CSMD1: variants seen among roughly 807,000 people sequenced by gnomAD.
The protein encoded by CSMD1 is CUB and Sushi multiple domains 1.
Under a neutral mutation model 417.5 loss-of-function variants are expected in CSMD1, and 213 were observed. That is an observed-to-expected ratio of 0.51 (90% CI 0.46 to 0.57). The LOEUF (loss-of-function observed/expected upper bound fraction) is 0.57. Ranked by LOEUF, CSMD1 falls within the 20% of genes least tolerant of loss-of-function variation. The pLI, the probability that CSMD1 is intolerant of heterozygous loss-of-function variation, is 0.00. For synonymous variants in CSMD1, 2,862 were observed against 1,736.8 expected (o/e 1.65, Z -16.11); for missense variants, 6,923 against 4,529.7 (o/e 1.53, Z -15.17).
intron 12 of CSMD1, among the ~76,000 whole-genome samples, chr8:3,415,086 T>G (rs1305855724): frequency 6.6e-6 from 1 of 152,236 alleles, no homozygotes; most frequent in African/African-American, 2.4e-5. Flanking sequence ...ACTTGCAATT[T>G]AATGATTTTT....
At chr8:3,456,895 C>T (rs939159210) in intron 12 of CSMD1, among the ~76,000 whole-genome samples, 1 of 152,016 alleles carries the variant, frequency 6.6e-6, no homozygotes, top group Non-Finnish European at 1.5e-5. Context: ...CACTATCCTG[C>T]CCCCCTTGTA....
rs146677998 is a variant in CSMD1, at chr8:4,669,722, C to A, written c.86-32164G>T. Among the ~76,000 whole-genome samples the A allele has an allele frequency of 8.1e-4, 123 of 152,126 alleles. 2 individuals are homozygous for A. In the Middle Eastern group the frequency reaches 0.017, roughly 21 times the overall value. On this transcript the variant is annotated intron_variant, in intron 1 of 69. Transcript: ENST00000635120. ...TTTCTGCTGTTTCTTTTCTTAAACC[C>A]TCTTTACATAGTTTTATTCACCTTC...
At chr8:3,965,347 G>C (rs1019934530) in intron 5 of CSMD1, among the ~76,000 whole-genome samples, 12 of 152,106 alleles carry the variant, frequency 7.9e-5, no homozygotes, top group African/African-American at 2.7e-4. Context: ...GCTTAAATAA[G>C]ACAATGTTTT....
intron 50 of CSMD1, among the ~76,000 whole-genome samples, chr8:3,039,342 T>C (rs573836625): frequency 3.1e-4 from 42 of 136,926 alleles, no homozygotes; most frequent in African/African-American, 1.2e-3. Flanking sequence ...TTTCTTCCTT[T>C]CCGCCTTCCT....
intron 1 of CSMD1, among the ~76,000 whole-genome samples, chr8:4,839,790 T>G (rs1437083842): frequency 2.0e-5 from 3 of 152,216 alleles, no homozygotes; most frequent in Non-Finnish European, 2.9e-5. Flanking sequence ...ACAACAGATT[T>G]AGACCTTTTG....
chr8:4,827,727 G>A (rs898419113), intron 1 of CSMD1, among the ~76,000 whole-genome samples: 2 of 152,098 alleles, frequency 1.3e-5, no homozygotes, highest in African/African-American at 4.8e-5. Flanking sequence ...TAAAAAGAAT[G>A]TGTTTTACTC....
At chr8:4,618,999 A>G (rs926381275) in intron 2 of CSMD1, among the ~76,000 whole-genome samples, 35 of 152,312 alleles carry the variant, frequency 2.3e-4, no homozygotes, top group African/African-American at 8.2e-4. Context: ...AAGGAGATTA[A>G]AATACTGCAA....
chr8:3,829,799 A>G (rs1802268704), intron 5 of CSMD1, among the ~76,000 whole-genome samples: 1 of 152,174 alleles, frequency 6.6e-6, no homozygotes, highest in Non-Finnish European at 1.5e-5. Context: ...GAGGTTTTCC[A>G]ACACTTCTTT....
At chr8:4,824,755 C>T (rs7830637) in intron 1 of CSMD1, among the ~76,000 whole-genome samples, 2 of 152,092 alleles carry the variant, frequency 1.3e-5, no homozygotes, top group Admixed American at 6.6e-5. Flanking sequence ...ACTTGTCACT[C>T]AAAGACAAAA....
chr8:2,958,245 C>T (rs867567973), intron 62 of CSMD1, among the ~76,000 whole-genome samples: 62 of 152,288 alleles, frequency 4.1e-4, no homozygotes, highest in Middle Eastern at 6.8e-3. Flanking sequence ...ACCTGTCTTT[C>T]TGATGCTTCA....
At chr8:3,793,868 G>A (rs921763919) in intron 5 of CSMD1, among the ~76,000 whole-genome samples, 3 of 152,068 alleles carry the variant, frequency 2.0e-5, no homozygotes, top group African/African-American at 4.8e-5. Context: ...ACTGAGTGTC[G>A]CTGATGGACC....
intron 3 of CSMD1, among the ~76,000 whole-genome samples, chr8:4,341,348 C>G (rs759815719): frequency 6.6e-6 from 1 of 152,064 alleles, no homozygotes; most frequent in African/African-American, 2.4e-5. Flanking sequence ...ACATTGAATT[C>G]TGAGATTCAT....
chr8:4,346,655 A>G (rs1490004301), intron 3 of CSMD1, among the ~76,000 whole-genome samples: 1 of 152,226 alleles, frequency 6.6e-6, no homozygotes, highest in African/African-American at 2.4e-5. Flanking sequence ...TCTTCATTGC[A>G]ATTTTGAATT....
At chr8:4,822,479 A>C (rs989813943) in intron 1 of CSMD1, among the ~76,000 whole-genome samples, 1 of 152,074 alleles carries the variant, frequency 6.6e-6, no homozygotes, top group Non-Finnish European at 1.5e-5. Flanking sequence ...GTGGATTGTA[A>C]CCCGATGGAG....
chr8:3,072,536 G>A (rs950035957), intron 49 of CSMD1, among the ~76,000 whole-genome samples: 5 of 152,192 alleles, frequency 3.3e-5, no homozygotes, highest in African/African-American at 1.2e-4. Context: ...ATACTTGGAA[G>A]AGCACAGTTC....
intron 3 of CSMD1, among the ~76,000 whole-genome samples, chr8:4,279,224 A>T (rs1253224366): frequency 1.3e-5 from 2 of 152,144 alleles, no homozygotes; most frequent in Non-Finnish European, 2.9e-5. Flanking sequence ...ACACACAATT[A>T]AGCAGTCGAT....
chr8:4,595,029 G>C (rs1197713274), intron 2 of CSMD1, among the ~76,000 whole-genome samples: 1 of 152,142 alleles, frequency 6.6e-6, no homozygotes, highest in Non-Finnish European at 1.5e-5. Flanking sequence ...TGGATTCCTT[G>C]TTGTATGTCA....
At chr8:4,409,747 C>A (rs537519794) in intron 3 of CSMD1, among the ~76,000 whole-genome samples, 4 of 150,760 alleles carry the variant, frequency 2.7e-5, no homozygotes, top group African/African-American at 9.8e-5. Context: ...AACATTAGCA[C>A]AGGGCATAAC....
chr8:3,723,619 T>G (rs1393004873), intron 6 of CSMD1, among the ~76,000 whole-genome samples: 1 of 152,002 alleles, frequency 6.6e-6, no homozygotes, highest in African/African-American at 2.4e-5. Flanking sequence ...AAGAAAATAT[T>G]AGAATTTTAG....
Sources: gnomAD v4.1 joint callset for allele counts (sites outside exome capture counted in the v4.1 genomes callset) on GRCh38, gnomAD v4.1.1 for gene constraint, MANE v1.5 for transcripts, NCBI Gene and HGNC (gene_info 2026-07-23, HGNC 2026-07-21) for gene names.